Variants in VNN2 observed in about 807,000 individuals in gnomAD.
The protein encoded by VNN2 is vanin 2.
VNN2 carries 43 observed loss-of-function variants against 43.0 expected under a neutral mutation model. The ratio of observed to expected loss-of-function variants is 1.00; its 90% CI spans 0.78 to 1.29. VNN2 has a LOEUF of 1.29. Among genes scored for constraint, VNN2 ranks in the 50% most tolerant of loss-of-function variants. The probability of loss-of-function intolerance (pLI) is 0.00; values close to 1 mark genes in which losing one functional copy is unlikely to be tolerated. For synonymous variants in VNN2, 230 were observed against 224.3 expected (o/e 1.03, Z -0.23); for missense variants, 652 against 619.7 (o/e 1.05, Z -0.55).
intron 4 of VNN2, 41 bp downstream of exon 4, chr6:132,752,420 C>G (rs765594397): frequency 6.4e-7 from 1 of 1,562,818 alleles, no homozygotes; most frequent in Non-Finnish European, 8.6e-7. Flanking sequence ...TTTCTCTGCA[C>G]TTAAAAATAT....
intron 3 of VNN2, among the ~76,000 whole-genome samples, chr6:132,754,979 G>C (rs35966392): frequency 0.038 from 5,767 of 152,242 alleles, 160 homozygotes; most frequent in Middle Eastern, 0.088. Context: ...TTCAAAGACA[G>C]CCTGGGCAAT....
chr6:132,751,621 T>A, intron 4 of VNN2, 103 bp from the exon 5 acceptor site: 1 of 1,383,558 alleles, frequency 7.2e-7, no homozygotes, highest in African/African-American at 1.4e-5. Flanking sequence ...GCCACCATAT[T>A]AGTCACGATG....
At position 132,749,725 on chromosome 6, in the gene VNN2, G is replaced by T; in HGVS notation, c.1341C>A (p.Thr447=). Residue 447 remains threonine (T), a synonymous_variant, in exon 6 of 7, where the codon ACC becomes ACA. Transcript: ENST00000326499. The part of the protein sequence containing the change: ...TEYVFPEVLL[T]EIHLSPGKFE... ...ATTTTCCAGGTGACAGATGAATTTCGGTAAGTAGCACTTCAGGAAAAACAT... is the reference window on the plus strand; with the variant it reads ...ATTTTCCAGGTGACAGATGAATTTCTGTAAGTAGCACTTCAGGAAAAACAT... The T allele has an allele frequency of 3.1e-6, 5 of 1,612,786 alleles. No homozygotes were observed. The highest frequency in any genetic ancestry group is 1.1e-5 in the South Asian group (1 of 90,796).
chr6:132,749,385 C>T (rs1203070212), intron 6 of VNN2, among the ~76,000 whole-genome samples: 2 of 152,164 alleles, frequency 1.3e-5, no homozygotes, highest in South Asian at 4.1e-4. Flanking sequence ...TGAGAGACCA[C>T]GGGGAGAGAT....
chr6:132,750,505 A>ATG lies in VNN2; in HGVS notation c.1200+639_1200+640insCA, dbSNP rs1353216375. Among the ~76,000 whole-genome samples, 13 of 137,698 alleles carry ATG rather than the reference A, an allele frequency of 9.4e-5. 1 individual carries two copies. The highest frequency in any genetic ancestry group is 4.0e-4 in the Admixed American group (5 of 12,562). 90.3% of individuals were successfully genotyped at this position (137,698 alleles called of 152,430 possible). On this transcript the variant is annotated intron_variant, in intron 5 of 6. Transcript: ENST00000326499. Reference sequence around the variant, plus strand: ...AAATATTTTGTATATGTGTATATATATATATATATTTTTCCAGGTGTGGTG... The same window carrying ATG: ...AAATATTTTGTATATGTGTATATATATGTATATATATTTTTCCAGGTGTGGTG...
upstream of VNN2, chr6:132,758,039 CTTTTTTTTTTT>C (rs533088096): frequency 3.6e-5 from 6 of 165,048 alleles, no homozygotes; most frequent in African/African-American, 1.2e-4. Flanking sequence ...TCTTCTTCTT[CTTTTTTTTTTT>C]TTTTTTTTTT....
rs924977615 is a variant in VNN2 at position 132,744,145 on chromosome 6, A to G, written c.*155T>C. 6.4e-5 allele frequency: 39 copies of G among 609,324 alleles called. No individual in the cohort carries two copies. The African/African-American group carries it at 7.2e-4, about 11-fold the overall frequency. The allele number at this position is 609,324 out of a possible 1,614,324, so 37.7% of individuals were successfully genotyped here. A position where few individuals can be genotyped will look rare whatever the true frequency, so the allele number is the denominator to read the frequency against. The stretch of plus-strand genomic sequence containing the variant: ...CAAAAAAATGGACAACATTATCATA[A>G]TACTTAAAAAATAATTATTGATGAG... On this transcript the variant is annotated 3_prime_UTR_variant, in exon 7 of 7. Transcript: ENST00000326499.
At chr6:132,757,628 A>G in intron 1 of VNN2, 43 bp downstream of exon 1, 2 of 1,608,808 alleles carry the variant, frequency 1.2e-6, no homozygotes, top group African/African-American at 1.3e-5. Context: ...ACCAGCTCCC[A>G]TGCCCCTCGT....
At chr6:132,751,008 G>GT in intron 5 of VNN2, 137 bp downstream of exon 5, 1 of 992,286 alleles carries the variant, frequency 1.0e-6, no homozygotes, top group Non-Finnish European at 1.5e-6. Flanking sequence ...GTGTGTGTGT[G>GT]TGTTGTGTGT....
At chr6:132,752,162 G>T (rs1411016551) in intron 4 of VNN2, among the ~76,000 whole-genome samples, 1 of 152,170 alleles carries the variant, frequency 6.6e-6, no homozygotes, top group Non-Finnish European at 1.5e-5. Context: ...GAAAGTAGTA[G>T]CTGGGTAGCA....
At chr6:132,746,272 G>C (rs1446487067) in intron 6 of VNN2, among the ~76,000 whole-genome samples, 2 of 152,178 alleles carry the variant, frequency 1.3e-5, no homozygotes, top group Non-Finnish European at 2.9e-5. Flanking sequence ...CTAAAGTGGT[G>C]GTGGGGGTTG....
chr6:132,753,393 A>G (rs1365402950), intron 3 of VNN2: 3 of 411,030 alleles, frequency 7.3e-6, no homozygotes, highest in Middle Eastern at 3.5e-4. Context: ...TAGAAACGTA[A>G]TATTAATAGA....
At chr6:132,753,975 A>AG (rs1780299303) in intron 3 of VNN2, 1 of 137,394 alleles carries the variant, frequency 7.3e-6, no homozygotes, top group Non-Finnish European at 1.6e-5. Flanking sequence ...AAAAAAAAAA[A>AG]AAAGGAATTG....
In VNN2 at chr6:132,752,505, T is replaced by A. The variant is rs770854489; in HGVS notation, c.782A>T (p.Asn261Ile). Reference protein sequence around the residue: ...HSAWAMGMGVNLLVANTHHVS... With the variant: ...HSAWAMGMGVILLVANTHHVS... ...ATGATGTGTGTTGGCCACAAGAAGA[T>A]TAACTCCCATTCCCATTGCCCAAGC... is the stretch of plus-strand genomic sequence containing the variant. The change falls in exon 4 of 7, where the codon AAT becomes ATT. Residue 261 changes from asparagine to isoleucine, a missense_variant. Physicochemically the swap from Asn to Ile is moderately radical, Grantham distance 149. Coordinates refer to ENST00000326499, the MANE Select transcript of VNN2 (RefSeq NM_004665.6). 2.5e-6 allele frequency: 4 copies of A among 1,613,910 alleles called. No individual in the cohort carries two copies. The highest frequency in any genetic ancestry group is 1.7e-5 in the Admixed American group (1 of 59,994).
In VNN2 at chr6:132,757,830, C is replaced by A. The variant is rs375381943; in HGVS notation, c.54G>T (p.Leu18=). The A allele has an allele frequency of 1.3e-5, 21 of 1,613,820 alleles. No homozygotes were observed. In the African/African-American group the frequency reaches 1.7e-4, roughly 13 times the overall value. Residue 18 remains leucine (L), a synonymous_variant, in exon 1 of 7, where the codon CTG becomes CTT. Transcript: ENST00000326499. ...ISVAVFALIT[L]QVGTQDSFIA... ...TAAAACTGTCCTGAGTACCAACCTG[C>A]AGGGTTATTAGGGCAAAAACTGCCA...
chr6:132,746,027 G>C (rs1441961852), intron 6 of VNN2, among the ~76,000 whole-genome samples: 1 of 152,226 alleles, frequency 6.6e-6, no homozygotes, highest in Non-Finnish European at 1.5e-5. Context: ...TTCACAAAGT[G>C]TCTTCACATG....
chr6:132,751,495 C>T lies in VNN2; in HGVS notation c.850G>A (p.Gly284Ser), dbSNP rs778263178. 1 of 1,610,818 alleles carries T rather than the reference C, an allele frequency of 6.2e-7. No individual in the cohort carries two copies. The highest frequency in any genetic ancestry group is 8.5e-7 in the Non-Finnish European group (1 of 1,178,096). ...MTGSGIYAPN[G>S]PKVYHYDMKT... ...ATGTCATAATGATACACTTTGGGACCATTTGGTGCATAAATACCACTTCCT... is the reference window on the plus strand; with the variant it reads ...ATGTCATAATGATACACTTTGGGACTATTTGGTGCATAAATACCACTTCCT... Residue 284 changes from glycine (G) to serine (S), a missense_variant, in exon 5 of 7, where the codon GGT (glycine) becomes AGT (serine). By Grantham distance (56) the Gly-to-Ser change is moderately conservative. Coordinates refer to ENST00000326499, the MANE Select transcript of VNN2 (RefSeq NM_004665.6).
intron 2 of VNN2, among the ~76,000 whole-genome samples, 181 bp downstream of exon 2, chr6:132,757,235 A>G (rs575834493): frequency 5.9e-5 from 9 of 152,380 alleles, no homozygotes; most frequent in South Asian, 2.1e-4. Context: ...AAGATTTTCA[A>G]TCACAAAAGA....
intron 3 of VNN2, 92 bp from the exon 4 acceptor site, chr6:132,752,841 A>T: frequency 7.2e-7 from 1 of 1,396,034 alleles, no homozygotes. Flanking sequence ...AGATTTGGCT[A>T]TGGTCAACTG....
Sources: gnomAD v4.1 joint callset for allele counts (sites outside exome capture counted in the v4.1 genomes callset) on GRCh38, gnomAD v4.1.1 for gene constraint, MANE v1.5 for transcripts, NCBI Gene and HGNC (gene_info 2026-07-23, HGNC 2026-07-21) for gene names.